Variants in PAPPA2 observed in about 807,000 individuals in gnomAD.
The protein encoded by PAPPA2 is pappalysin-2.
In PAPPA2, 86 loss-of-function variants were observed where a neutral mutation model predicts 176.4. The ratio of observed to expected loss-of-function variants is 0.49; its 90% CI spans 0.41 to 0.58. The LOEUF (loss-of-function observed/expected upper bound fraction) is 0.58, where lower values mean the gene tolerates loss of function less well. PAPPA2 is among the 20% of genes least tolerant of loss of function. The pLI, the probability that PAPPA2 is intolerant of heterozygous loss-of-function variation, is 0.00. For synonymous variants in PAPPA2, 809 were observed against 852.2 expected (o/e 0.95, Z 0.88); for missense variants, 2,073 against 2,256.9 (o/e 0.92, Z 1.65).
chr1:176,514,663 G>A (rs867705487), intron 1 of PAPPA2, among the ~76,000 whole-genome samples: 3 of 152,136 alleles, frequency 2.0e-5, no homozygotes, highest in Non-Finnish European at 4.4e-5. Flanking sequence ...CAAATTATAC[G>A]ACTTAAAAAA....
chr1:176,760,430 G>A (rs1372943208), intron 14 of PAPPA2, among the ~76,000 whole-genome samples: 1 of 152,192 alleles, frequency 6.6e-6, no homozygotes, highest in Non-Finnish European at 1.5e-5. Context: ...TCTTTATGGG[G>A]TGGAGCTTTA....
chr1:176,826,187 T>C (rs547106944), intron 21 of PAPPA2, among the ~76,000 whole-genome samples: 66 of 152,210 alleles, frequency 4.3e-4, no homozygotes, highest in African/African-American at 1.4e-3. Context: ...AAGGAACAAA[T>C]AAATGATGTA....
At chr1:176,819,465 G>A (rs1231501680) in intron 21 of PAPPA2, among the ~76,000 whole-genome samples, 1 of 151,062 alleles carries the variant, frequency 6.6e-6, no homozygotes, top group Non-Finnish European at 1.5e-5. Flanking sequence ...TCCACTTCTT[G>A]CCTTTATTCT....
intron 1 of PAPPA2, among the ~76,000 whole-genome samples, chr1:176,544,330 T>C (rs1650510235): frequency 6.6e-6 from 1 of 152,172 alleles, no homozygotes; most frequent in Non-Finnish European, 1.5e-5. Context: ...GATGCATGGC[T>C]AGTGCTTAGT....
At chr1:176,830,157 C>G (rs978555327) in intron 21 of PAPPA2, among the ~76,000 whole-genome samples, 1 of 152,052 alleles carries the variant, frequency 6.6e-6, no homozygotes, top group African/African-American at 2.4e-5. Flanking sequence ...TTGCTTGAGC[C>G]CAAGGGTTTG....
chr1:176,671,845 G>T (rs1352281021), intron 4 of PAPPA2, among the ~76,000 whole-genome samples: 1 of 146,964 alleles, frequency 6.8e-6, no homozygotes, highest in Non-Finnish European at 1.5e-5. Flanking sequence ...CTCACTCATA[G>T]GTGGGAATTG....
intron 1 of PAPPA2, among the ~76,000 whole-genome samples, chr1:176,514,638 A>T (rs1648803453): frequency 6.6e-6 from 1 of 152,238 alleles, no homozygotes; most frequent in Non-Finnish European, 1.5e-5. Context: ...CTCATCACTG[A>T]CAATAACATT....
chr1:176,632,770 C>G (rs988862050), intron 3 of PAPPA2, among the ~76,000 whole-genome samples: 14 of 152,216 alleles, frequency 9.2e-5, no homozygotes, highest in Admixed American at 5.9e-4. Flanking sequence ...AGTTGCCTCA[C>G]AGGGTCCTAG....
At chr1:176,496,150 G>A (rs935363172) in intron 1 of PAPPA2, among the ~76,000 whole-genome samples, 1 of 152,036 alleles carries the variant, frequency 6.6e-6, no homozygotes, top group African/African-American at 2.4e-5. Flanking sequence ...GTGCAGGTTT[G>A]TTACATATGT....
intron 2 of PAPPA2, among the ~76,000 whole-genome samples, chr1:176,583,527 A>G (rs1279619507): frequency 1.3e-5 from 2 of 152,168 alleles, no homozygotes; most frequent in African/African-American, 2.4e-5. Context: ...TGGTTTCAAA[A>G]ATGTTCCTAT....
chr1:176,673,046 G>C (rs1210909373), intron 4 of PAPPA2, among the ~76,000 whole-genome samples: 2 of 152,244 alleles, frequency 1.3e-5, no homozygotes, highest in Non-Finnish European at 2.9e-5. Context: ...AAAAACTAGG[G>C]AAAGAGAGGT....
In PAPPA2 at chr1:176,556,223, C is replaced by G; in HGVS notation, c.-100C>G. The G allele has an allele frequency of 7.4e-7, 1 of 1,351,304 alleles. No homozygotes were observed. The highest frequency in any genetic ancestry group is 1.0e-6 in the Non-Finnish European group (1 of 989,484). 83.7% of individuals were successfully genotyped at this position (1,351,304 alleles called of 1,614,324 possible). A position where few individuals can be genotyped will look rare whatever the true frequency, so the allele number is the denominator to read the frequency against. On this transcript the variant is annotated 5_prime_UTR_variant, in exon 2 of 23. Transcript: ENST00000367662. Reference sequence around the variant, plus strand: ...GTGAACAAAACAGTTTCCCTGGTGACTGCAAATCCATTGCTAGCTGCCTCT... The same window carrying G: ...GTGAACAAAACAGTTTCCCTGGTGAGTGCAAATCCATTGCTAGCTGCCTCT...
chr1:176,715,819 A>C (rs935785171), intron 12 of PAPPA2, among the ~76,000 whole-genome samples: 1 of 152,076 alleles, frequency 6.6e-6, no homozygotes, highest in Non-Finnish European at 1.5e-5. Flanking sequence ...CAAACCCTAC[A>C]ATCATTAGCC....
chr1:176,497,013 A>C (rs2102502051), intron 1 of PAPPA2, among the ~76,000 whole-genome samples: 1 of 152,126 alleles, frequency 6.6e-6, no homozygotes, highest in South Asian at 2.1e-4. Flanking sequence ...AGAGATTTGG[A>C]CTTACATCTA....
chr1:176,768,005 G>A (rs1456272406), intron 15 of PAPPA2, among the ~76,000 whole-genome samples: 2 of 152,212 alleles, frequency 1.3e-5, no homozygotes, highest in Non-Finnish European at 2.9e-5. Flanking sequence ...AGGAGTTGGT[G>A]TCAGGGGTGA....
intron 3 of PAPPA2, among the ~76,000 whole-genome samples, chr1:176,666,608 T>TGA (rs55742086): frequency 1.0e-3 from 104 of 101,340 alleles, no homozygotes; most frequent in Middle Eastern, 5.0e-3. Flanking sequence ...TGTGTGTGTG[T>TGA]GAGAGAGAGA....
intron 1 of PAPPA2, among the ~76,000 whole-genome samples, chr1:176,500,784 T>C (rs1647913467): frequency 6.6e-6 from 1 of 151,284 alleles, no homozygotes; most frequent in Non-Finnish European, 1.5e-5. Flanking sequence ...AACCTATGTA[T>C]GTGATAACAT....
At chr1:176,465,638 CTT>C (rs528430128) in intron 1 of PAPPA2, among the ~76,000 whole-genome samples, 21 of 127,622 alleles carry the variant, frequency 1.6e-4, no homozygotes, top group Non-Finnish European at 1.9e-4. Context: ...CCAGGCCATT[CTT>C]TTTTTTTTTT....
At chr1:176,533,226 C>T (rs142694428) in intron 1 of PAPPA2, among the ~76,000 whole-genome samples, 172 of 152,344 alleles carry the variant, frequency 1.1e-3, no homozygotes, top group African/African-American at 4.0e-3. Context: ...GAAATAACAC[C>T]TCAATCCAAA....
Sources: allele counts gnomAD v4.1 joint callset (sites outside exome capture counted in the v4.1 genomes callset), GRCh38; gene constraint gnomAD v4.1.1; transcripts MANE v1.5; gene names NCBI Gene and HGNC (gene_info 2026-07-23, HGNC 2026-07-21).